Variants in MACF1 observed in about 807,000 individuals in gnomAD.
MACF1 encodes microtubule actin crosslinking factor 1.
A neutral mutation model predicts 854.8 loss-of-function variants in MACF1; 193 were observed. The observed-to-expected ratio is 0.23, with a 90% confidence interval of 0.20 to 0.25. The LOEUF is 0.25. MACF1 is among the 10% of genes least tolerant of loss of function. The pLI, the probability that MACF1 is intolerant of heterozygous loss-of-function variation, is 1.00. For synonymous variants in MACF1, 3,185 were observed against 3,226.7 expected (o/e 0.99, Z 0.44); for missense variants, 7,722 against 8,929.1 (o/e 0.86, Z 5.45).
In MACF1 at chr1:39,283,119, T is replaced by G; in HGVS notation, c.696-70T>G. On this transcript the variant is annotated intron_variant, in intron 7 of 100. Transcript: ENST00000564288. This position sits in a 1 kb window ranked among gnomAD's most constrained non-coding sequence, Gnocchi z 4.5. ...TTCAGCTCTGGGAACTTTCAGGAGG[T>G]TTTCTTTGTGTAAACTCATGTGTGA... 1 of 969,362 alleles carries G rather than the reference T, an allele frequency of 1.0e-6. No individual in the cohort carries two copies. Among genetic ancestry groups the G allele is most frequent in the Non-Finnish European group, 1.6e-6 (1 of 618,240 alleles). 60.0% of individuals were successfully genotyped at this position (969,362 alleles called of 1,614,324 possible).
At position 39,420,708 on chromosome 1, in the gene MACF1, T is replaced by C. The variant is rs534756493; in HGVS notation, c.15817-1666T>C. On this transcript the variant is annotated intron_variant, in intron 58 of 100. Transcript: ENST00000564288. Reference sequence around the variant, plus strand: ...CCAAAATTGGTCTTACTCAAACTTATCATTTTCTTTTATATTTATTTTTGT... The same window carrying C: ...CCAAAATTGGTCTTACTCAAACTTACCATTTTCTTTTATATTTATTTTTGT... Among the ~76,000 whole-genome samples the C allele has an allele frequency of 1.6e-4, 24 of 152,238 alleles. 1 individual carries two copies. The highest frequency in any genetic ancestry group is 1.2e-3 in the South Asian group (6 of 4,822).
chr1:39,347,562 C>T (rs1374372905), intron 41 of MACF1, among the ~76,000 whole-genome samples: 3 of 152,188 alleles, frequency 2.0e-5, no homozygotes, highest in Middle Eastern at 3.4e-3. Flanking sequence ...TCTCCTTTAG[C>T]ATTGTTTTGA....
chr1:39,437,586 A>T, intron 70 of MACF1, 191 bp from the exon 71 acceptor site: 1 of 575,082 alleles, frequency 1.7e-6, no homozygotes, highest in South Asian at 1.6e-5. Context: ...TGCTGGGATT[A>T]CAGGTGTGAG....
At chr1:39,193,833 G>C (rs115545838) in intron 2 of MACF1, among the ~76,000 whole-genome samples, 3,063 of 151,862 alleles carry the variant, frequency 0.02, 111 homozygotes, top group African/African-American at 0.071. Flanking sequence ...GTTTAAGAGT[G>C]AGTTTTCTTT....
chr1:39,420,360 G>A (rs568828306), intron 58 of MACF1, among the ~76,000 whole-genome samples: 1 of 152,192 alleles, frequency 6.6e-6, no homozygotes, highest in African/African-American at 2.4e-5. Flanking sequence ...TTAAACTTGG[G>A]ATGTTTTTCC....
intron 70 of MACF1, among the ~76,000 whole-genome samples, chr1:39,437,325 C>A (rs1300735030): frequency 4.6e-5 from 4 of 87,336 alleles, no homozygotes; most frequent in African/African-American, 1.8e-4. Flanking sequence ...TTTTTTTTTT[C>A]TTTTAGACAA....
rs1043158695 is a variant in MACF1, at chr1:39,441,410, G to A, written c.18672+85G>A. On this transcript the variant is annotated intron_variant, in intron 74 of 100. Coordinates refer to ENST00000564288, the MANE Select transcript of MACF1 (RefSeq NM_001394062.1). Reference sequence around the variant, plus strand: ...CATTTTTGGAATTAAGCACAAAAGTGGATCACCTTCACAGGACTGCAGACC... The same window carrying A: ...CATTTTTGGAATTAAGCACAAAAGTAGATCACCTTCACAGGACTGCAGACC... The A allele has an allele frequency of 9.3e-6, 10 of 1,081,044 alleles. No individual in the cohort carries two copies. In the African/African-American group the frequency reaches 1.4e-4, roughly 15 times the overall value. The allele number at this position is 1,081,044 out of a possible 1,614,324, so 67.0% of individuals were successfully genotyped here.
intron 30 of MACF1, 145 bp from the exon 31 acceptor site, chr1:39,319,519 G>A: frequency 1.8e-6 from 1 of 562,564 alleles, no homozygotes; most frequent in East Asian, 3.2e-5. Flanking sequence ...TGGAGGTGAG[G>A]CCCAGCAGTA....
intron 26 of MACF1, among the ~76,000 whole-genome samples, chr1:39,312,225 AC>A (rs1399091744): frequency 6.6e-6 from 1 of 152,156 alleles, no homozygotes; most frequent in Non-Finnish European, 1.5e-5. Flanking sequence ...GTCTCAAGAT[AC>A]ATATATACAT....
At chr1:39,124,759 G>A (rs555156519) in intron 2 of MACF1, among the ~76,000 whole-genome samples, 1 of 152,234 alleles carries the variant, frequency 6.6e-6, no homozygotes, top group South Asian at 2.1e-4. Context: ...TGTACTTTAT[G>A]CATATATTAT....
chr1:39,314,340 C>T (rs747603993), intron 26 of MACF1, among the ~76,000 whole-genome samples: 1 of 151,650 alleles, frequency 6.6e-6, no homozygotes, highest in Non-Finnish European at 1.5e-5. Context: ...ACCCGGGAGG[C>T]GGAGGTTGCA....
chr1:39,244,197 T>C (rs1571216037), intron 2 of MACF1, among the ~76,000 whole-genome samples: 1 of 152,064 alleles, frequency 6.6e-6, no homozygotes, highest in African/African-American at 2.4e-5. Flanking sequence ...GTCTCCCTCC[T>C]GGGTTCAAGC....
At chr1:39,107,340 T>A (rs1411975672) in intron 2 of MACF1, among the ~76,000 whole-genome samples, 2 of 152,004 alleles carry the variant, frequency 1.3e-5, no homozygotes, top group African/African-American at 4.8e-5. Flanking sequence ...TTTTTTTTTT[T>A]AGCTGTCTCA....
chr1:39,418,749 G>C (rs764711769), intron 58 of MACF1, among the ~76,000 whole-genome samples: 1 of 152,084 alleles, frequency 6.6e-6, no homozygotes, highest in Non-Finnish European at 1.5e-5. Flanking sequence ...TGTAGTCCCC[G>C]TTACTTGAGA....
chr1:39,275,170 C>T (rs1222109378), intron 6 of MACF1, among the ~76,000 whole-genome samples: 21 of 151,714 alleles, frequency 1.4e-4, no homozygotes, highest in Admixed American at 1.4e-3. Flanking sequence ...GTTCCATCTC[C>T]CAGGTTCACG....
At position 39,324,299 on chromosome 1, in the gene MACF1, A is replaced by C. The variant is rs1646569047; in HGVS notation, c.4343A>C (p.Glu1448Ala). ...ACACAAGGAAAAGCTACCTCATCCGAGACCAAAGAATCAACAGACATTGAA... is the reference window on the plus strand; with the variant it reads ...ACACAAGGAAAAGCTACCTCATCCGCGACCAAAGAATCAACAGACATTGAA... ...RNTQGKATSS[E>A]TKESTDIEKA... Residue 1448 changes from glutamate (E) to alanine (A), a missense_variant, in exon 34 of 101, where the codon GAG (glutamate) becomes GCG (alanine). By Grantham distance (107) the Glu-to-Ala change is moderately radical. Around this residue, in one of 15 missense-constraint regions of MACF1, gnomAD observed 4 missense variants for 19.3 expected, o/e 0.21. Transcript: ENST00000564288. 6.2e-7 allele frequency: 1 copy of C among 1,613,944 alleles called. No individual in the cohort carries two copies. Among genetic ancestry groups the C allele is most frequent in the Non-Finnish European group, 8.5e-7 (1 of 1,179,954 alleles).
intron 84 of MACF1, among the ~76,000 whole-genome samples, chr1:39,450,635 G>A (rs1178053104): frequency 9.4e-6 from 1 of 106,864 alleles, no homozygotes; most frequent in African/African-American, 3.5e-5. Flanking sequence ...TTTTTGAGAT[G>A]GAATCTCGCT....
rs1643837800 is a variant in MACF1 at position 39,429,726 on chromosome 1, G to A, written c.16889-101G>A. The A allele has an allele frequency of 1.1e-5, 12 of 1,119,122 alleles. No homozygotes were observed. In the South Asian group the frequency reaches 1.7e-4, roughly 16 times the overall value. 69.3% of individuals were successfully genotyped at this position (1,119,122 alleles called of 1,614,324 possible). A position where few individuals can be genotyped will look rare whatever the true frequency, so the allele number is the denominator to read the frequency against. ...GAAATCATTACCACAGAGAGAGAGA[G>A]AGCGTCTATGAAATTAAAGCTCTGA... is the stretch of plus-strand genomic sequence containing the variant. On this transcript the variant is annotated intron_variant, in intron 64 of 100. Transcript: ENST00000564288.
chr1:39,469,488 C>A, intron 96 of MACF1, 59 bp from the exon 97 acceptor site: 2 of 1,295,428 alleles, frequency 1.5e-6, no homozygotes, highest in South Asian at 2.5e-5. Context: ...TCTTTCTTGA[C>A]TAGTTTCTGC....
Sources: allele counts gnomAD v4.1 joint callset (sites outside exome capture counted in the v4.1 genomes callset), GRCh38; gene constraint gnomAD v4.1.1; regional missense constraint gnomAD v4.1.1; non-coding constraint Gnocchi (gnomAD v3.1); transcripts MANE v1.5; gene names NCBI Gene and HGNC (gene_info 2026-07-23, HGNC 2026-07-21).